Variants in WDPCP observed in about 807,000 individuals in gnomAD.
WDPCP encodes the protein WD repeat-containing and planar cell polarity effector protein fritz homolog.
A neutral mutation model predicts 93.1 loss-of-function variants in WDPCP; 71 were observed. The observed-to-expected ratio is 0.76, with a 90% CI of 0.63 to 0.93. The LOEUF (loss-of-function observed/expected upper bound fraction) is 0.93, where lower values mean the gene tolerates loss of function less well. Ranked by LOEUF, WDPCP falls within the 40% of genes least tolerant of loss-of-function variation. The probability of loss-of-function intolerance (pLI) is 0.00; values close to 1 mark genes in which losing one functional copy is unlikely to be tolerated. For missense variants in WDPCP, 844 were observed against 887.4 expected, an observed-to-expected ratio of 0.95 and a Z score of 0.62; for synonymous variants, 315 against 315.0, an observed-to-expected ratio of 1.00 and a Z score of 0.00.
intron 1 of WDPCP, among the ~76,000 whole-genome samples, chr2:63,587,213 T>G (rs1708909045): frequency 1.3e-5 from 2 of 152,238 alleles, no homozygotes; most frequent in African/African-American, 2.4e-5. Context: ...AAAGTAGCAT[T>G]TGAAGTGATG....
At chr2:63,459,972 A>C (rs933768008) in intron 6 of WDPCP, among the ~76,000 whole-genome samples, 1 of 152,178 alleles carries the variant, frequency 6.6e-6, no homozygotes, top group African/African-American at 2.4e-5. Context: ...CAGAAATCCT[A>C]CTACTTGGTA....
intron 10 of WDPCP, among the ~76,000 whole-genome samples, chr2:63,389,015 T>C (rs7340366): frequency 0.97 from 147,154 of 152,270 alleles, 71,136 homozygotes; most frequent in East Asian, 1. Context: ...CCTAGCAAGA[T>C]AGGCCAACAT....
chr2:63,124,400 T>C (rs573171472), intron 17 of WDPCP, among the ~76,000 whole-genome samples: 30 of 152,248 alleles, frequency 2.0e-4, no homozygotes, highest in Middle Eastern at 6.8e-3. Flanking sequence ...TTTTCCCCAG[T>C]CCCTCATTGC....
chr2:63,352,988 TATACTCACA>T (rs1202140863), intron 12 of WDPCP, among the ~76,000 whole-genome samples: 188 of 152,272 alleles, frequency 1.2e-3, no homozygotes, highest in Middle Eastern at 6.8e-3. Context: ...ATCATGGTTG[TATACTCACA>T]TTGGGACTAA....
chr2:63,605,948 G>T lies in WDPCP; in HGVS notation n.488+44711C>A. The T allele has an allele frequency of 2.5e-6, 4 of 1,613,562 alleles. No individual in the cohort carries two copies. In the South Asian group the frequency reaches 3.3e-5, roughly 13 times the overall value. On this transcript the variant is annotated intron_variant and non_coding_transcript_variant, in intron 3 of 4. Transcript: ENST00000467687. ...ACATTGTTATTTTCAGGGAGAGTTT[G>T]TGTCCATGGGTGTTATCTCTGATGG...
At chr2:63,452,286 T>C (rs373286576) in intron 6 of WDPCP, among the ~76,000 whole-genome samples, 1 of 152,300 alleles carries the variant, frequency 6.6e-6, no homozygotes, top group South Asian at 2.1e-4. Flanking sequence ...CAAGCATTCT[T>C]ATGCACCCAT....
intron 3 of WDPCP, among the ~76,000 whole-genome samples, chr2:63,623,422 G>A (rs1269413027): frequency 2.0e-5 from 3 of 151,938 alleles, no homozygotes; most frequent in African/African-American, 7.3e-5. Flanking sequence ...TCAGTGTGCT[G>A]TATTCAGGAG....
chr2:63,354,371 G>C (rs977814576), intron 12 of WDPCP, among the ~76,000 whole-genome samples: 1 of 152,166 alleles, frequency 6.6e-6, no homozygotes, highest in Non-Finnish European at 1.5e-5. Context: ...CCAAGTTGGG[G>C]AAGGAACATA....
intron 15 of WDPCP, among the ~76,000 whole-genome samples, chr2:63,165,619 CT>C (rs1404637627): frequency 1.3e-5 from 2 of 150,646 alleles, no homozygotes; most frequent in African/African-American, 4.9e-5. Context: ...TTGTCTATTT[CT>C]TTTATGAAAA....
At chr2:63,718,896 A>T (rs1172210395) in intron 2 of WDPCP, among the ~76,000 whole-genome samples, 2 of 152,200 alleles carry the variant, frequency 1.3e-5, no homozygotes, top group Non-Finnish European at 1.5e-5. Context: ...AATATTTTTT[A>T]AAAAACAATT....
chr2:63,163,099 C>G (rs956181494), intron 15 of WDPCP, among the ~76,000 whole-genome samples: 3 of 152,136 alleles, frequency 2.0e-5, no homozygotes, highest in African/African-American at 7.2e-5. Flanking sequence ...AATATAACTT[C>G]TCTTACTCAA....
chr2:63,733,926 C>T (rs1356805346), intron 2 of WDPCP, among the ~76,000 whole-genome samples: 4 of 152,146 alleles, frequency 2.6e-5, no homozygotes, highest in African/African-American at 4.8e-5. Flanking sequence ...CTCTTCCCAG[C>T]GTCTGGCAAC....
chr2:63,198,365 T>A (rs1468199475), intron 14 of WDPCP, among the ~76,000 whole-genome samples: 1 of 152,242 alleles, frequency 6.6e-6, no homozygotes, highest in Non-Finnish European at 1.5e-5. Context: ...TACTATTCTT[T>A]TGCAGGATAT....
chr2:63,771,499 T>C (rs554153147), intron 2 of WDPCP, among the ~76,000 whole-genome samples: 27 of 152,100 alleles, frequency 1.8e-4, no homozygotes, highest in African/African-American at 6.5e-4. Context: ...ACACAAACTC[T>C]TCAAGGGAAT....
chr2:63,610,923 C>T (rs1351870432), intron 3 of WDPCP, among the ~76,000 whole-genome samples: 2 of 152,092 alleles, frequency 1.3e-5, no homozygotes, highest in Non-Finnish European at 2.9e-5. Context: ...GGCAAGACCC[C>T]GTCTTACAAA....
At chr2:63,275,167 G>A (rs887909922) in intron 13 of WDPCP, among the ~76,000 whole-genome samples, 9 of 151,860 alleles carry the variant, frequency 5.9e-5, no homozygotes, top group Admixed American at 5.9e-4. Context: ...TAGGCAAATC[G>A]ATAAAAAACA....
At chr2:63,332,783 T>A (rs1333854000) in intron 12 of WDPCP, among the ~76,000 whole-genome samples, 3 of 152,144 alleles carry the variant, frequency 2.0e-5, no homozygotes, top group Admixed American at 2.0e-4. Flanking sequence ...TTTCCTTATT[T>A]GATTTTGTAG....
intron 1 of WDPCP, among the ~76,000 whole-genome samples, chr2:63,579,500 C>G (rs995342040): frequency 1.3e-5 from 2 of 152,112 alleles, no homozygotes; most frequent in Non-Finnish European, 2.9e-5. Context: ...GTCCCAGCTA[C>G]TCAGGAGGCT....
At chr2:63,611,616 A>C (rs1180162578) in intron 3 of WDPCP, among the ~76,000 whole-genome samples, 14 of 152,210 alleles carry the variant, frequency 9.2e-5, no homozygotes. Context: ...TGGTATGAGA[A>C]CTCATCATCT....
Sources: gnomAD v4.1 joint callset for allele counts (sites outside exome capture counted in the v4.1 genomes callset) on GRCh38, gnomAD v4.1.1 for gene constraint, MANE v1.5 for transcripts, NCBI Gene and HGNC (gene_info 2026-07-23, HGNC 2026-07-21) for gene names.